ASTN2: variants seen among roughly 807,000 people sequenced by gnomAD.
ASTN2 encodes astrotactin 2, also known as astrotactin-2.
ASTN2 carries 54 observed loss-of-function variants against 139.8 expected under a neutral mutation model. That is an observed-to-expected ratio of 0.39 (90% confidence interval 0.31 to 0.48). The LOEUF (loss-of-function observed/expected upper bound fraction) is 0.48, where lower values mean the gene tolerates loss of function less well. ASTN2 is among the 20% of genes least tolerant of loss of function. The pLI is 0.95. For missense variants in ASTN2, 1,565 were observed against 1,725.1 expected, an observed-to-expected ratio of 0.91 and a Z score of 1.64; for synonymous variants, 756 against 719.5, an observed-to-expected ratio of 1.05 and a Z score of -0.81.
chr9:117,002,011 G>A (rs1040778408), intron 7 of ASTN2, among the ~76,000 whole-genome samples: 5 of 152,146 alleles, frequency 3.3e-5, no homozygotes, highest in South Asian at 2.1e-4. Flanking sequence ...ATTTTACAAA[G>A]TGGATCTGAG....
chr9:116,444,511 C>G (rs1229057012), intron 20 of ASTN2, among the ~76,000 whole-genome samples: 1 of 152,180 alleles, frequency 6.6e-6, no homozygotes, highest in African/African-American at 2.4e-5. Flanking sequence ...ACTCTTTGCT[C>G]TCAGCTGCCA....
At chr9:117,366,568 C>T (rs1281132305) in intron 1 of ASTN2, among the ~76,000 whole-genome samples, 1 of 152,098 alleles carries the variant, frequency 6.6e-6, no homozygotes, top group Admixed American at 6.6e-5. Context: ...TCTAACTCCT[C>T]TGAGAACACA....
chr9:116,953,908 AG>A (rs1835635603), intron 10 of ASTN2, among the ~76,000 whole-genome samples: 2 of 152,226 alleles, frequency 1.3e-5, no homozygotes, highest in Non-Finnish European at 2.9e-5. Flanking sequence ...GTGGAGTAGA[AG>A]GGGTCACACA....
chr9:117,368,564 T>C (rs947413291), intron 1 of ASTN2, among the ~76,000 whole-genome samples: 4 of 152,166 alleles, frequency 2.6e-5, no homozygotes, highest in Non-Finnish European at 5.9e-5. Flanking sequence ...GGTGAGTTTT[T>C]CCATTATCAT....
intron 20 of ASTN2, among the ~76,000 whole-genome samples, chr9:116,443,794 T>G (rs1405453803): frequency 6.6e-6 from 1 of 152,112 alleles, no homozygotes; most frequent in South Asian, 2.1e-4. Context: ...GGCAGTAGTG[T>G]GAAGTGGGTA....
chr9:117,204,539 T>G (rs1831848228), intron 3 of ASTN2, among the ~76,000 whole-genome samples: 1 of 152,210 alleles, frequency 6.6e-6, no homozygotes, highest in African/African-American at 2.4e-5. Context: ...AGAAACTGAT[T>G]ATTTTTGTAC....
intron 2 of ASTN2, among the ~76,000 whole-genome samples, chr9:117,259,521 GT>G (rs1833772389): frequency 6.6e-6 from 1 of 152,108 alleles, no homozygotes; most frequent in African/African-American, 2.4e-5. Flanking sequence ...TATACAATCT[GT>G]TTTCTCTGAA....
intron 3 of ASTN2, among the ~76,000 whole-genome samples, chr9:117,167,250 C>A (rs567822282): frequency 6.6e-6 from 1 of 151,698 alleles, no homozygotes; most frequent in East Asian, 1.9e-4. Flanking sequence ...ACCTATCATC[C>A]AATGTTGATC....
At chr9:116,518,059 A>C (rs1269654248) in intron 19 of ASTN2, among the ~76,000 whole-genome samples, 2 of 152,226 alleles carry the variant, frequency 1.3e-5, no homozygotes, top group Admixed American at 1.3e-4. Flanking sequence ...GAAGACAACA[A>C]ATCTAAAAGA....
At chr9:116,484,222 C>A (rs1453567322) in intron 20 of ASTN2, among the ~76,000 whole-genome samples, 1 of 152,278 alleles carries the variant, frequency 6.6e-6, no homozygotes, top group Admixed American at 6.5e-5. Flanking sequence ...CTGCAGGCTG[C>A]CTATATGCCA....
chr9:117,364,064 T>G (rs1346074567), intron 1 of ASTN2, among the ~76,000 whole-genome samples: 1 of 152,212 alleles, frequency 6.6e-6, no homozygotes, highest in African/African-American at 2.4e-5. Flanking sequence ...AACTGACATC[T>G]TGTTTTCTCT....
intron 1 of ASTN2, among the ~76,000 whole-genome samples, chr9:117,362,597 T>C (rs575794534): frequency 6.6e-6 from 1 of 152,134 alleles, no homozygotes; most frequent in African/African-American, 2.4e-5. Flanking sequence ...CAATGTTCCC[T>C]TTCCTGGCTC....
intron 11 of ASTN2, among the ~76,000 whole-genome samples, chr9:116,841,759 G>T (rs1206606565): frequency 6.6e-6 from 1 of 152,146 alleles, no homozygotes; most frequent in Non-Finnish European, 1.5e-5. Flanking sequence ...ATCCCAGGAG[G>T]TCATTTACCT....
At chr9:117,237,335 G>A (rs192373558) in intron 2 of ASTN2, among the ~76,000 whole-genome samples, 2 of 152,180 alleles carry the variant, frequency 1.3e-5, no homozygotes, top group African/African-American at 2.4e-5. Flanking sequence ...CTTGCCCTCC[G>A]GCCCAGGGAT....
At chr9:116,660,545 AT>A (rs1858501078) in intron 16 of ASTN2, among the ~76,000 whole-genome samples, 2 of 152,308 alleles carry the variant, frequency 1.3e-5, no homozygotes, top group South Asian at 4.1e-4. Context: ...TTAATGAAAA[AT>A]ATCCAATGCT....
At chr9:116,524,908 A>G (rs546090110) in intron 19 of ASTN2, among the ~76,000 whole-genome samples, 1 of 152,310 alleles carries the variant, frequency 6.6e-6, no homozygotes, top group East Asian at 1.9e-4. Context: ...AGAGAACTGA[A>G]GAGGAGAAGT....
chr9:116,628,410 A>T (rs1856568744), intron 17 of ASTN2, among the ~76,000 whole-genome samples: 1 of 152,140 alleles, frequency 6.6e-6, no homozygotes, highest in Non-Finnish European at 1.5e-5. Flanking sequence ...GCTATTTCTG[A>T]TCACTTTCTC....
chr9:116,893,168 C>T (rs1194657299), intron 10 of ASTN2, among the ~76,000 whole-genome samples: 1 of 148,368 alleles, frequency 6.7e-6, no homozygotes, highest in African/African-American at 2.5e-5. Context: ...ATCACACACA[C>T]ACACACACAC....
intron 1 of ASTN2, among the ~76,000 whole-genome samples, chr9:117,318,805 T>C (rs2130827573): frequency 6.6e-6 from 1 of 152,274 alleles, no homozygotes; most frequent in East Asian, 1.9e-4. Context: ...TCCCACATGG[T>C]ACTCCCTTGC....
Sources: gnomAD v4.1 joint callset for allele counts (sites outside exome capture counted in the v4.1 genomes callset) on GRCh38, gnomAD v4.1.1 for gene constraint, MANE v1.5 for transcripts, NCBI Gene and HGNC (gene_info 2026-07-23, HGNC 2026-07-21) for gene names.